The following SLC35F1 variants were observed in gnomAD, a reference collection of about 807,000 sequenced individuals.
SLC35F1 encodes solute carrier family 35 member F1.
Under a neutral mutation model 48.7 loss-of-function variants are expected in SLC35F1, and 14 were observed. The ratio of observed to expected loss-of-function variants is 0.29; its 90% CI spans 0.19 to 0.45. SLC35F1 has a LOEUF of 0.45. Ranked by LOEUF, SLC35F1 falls within the 20% of genes least tolerant of loss-of-function variation. SLC35F1 has a pLI of 1.00. For missense variants in SLC35F1, 404 were observed against 500.0 expected (o/e 0.81, Z 1.83); for synonymous variants, 190 against 202.2 (o/e 0.94, Z 0.51).
intron 1 of SLC35F1, among the ~76,000 whole-genome samples, chr6:117,930,629 C>T (rs1028459285): frequency 2.0e-5 from 3 of 152,118 alleles, no homozygotes; most frequent in African/African-American, 4.8e-5. Context: ...ACCTAATGCT[C>T]GTATCACTTC....
intron 7 of SLC35F1, among the ~76,000 whole-genome samples, chr6:118,308,400 T>A (rs549756893): frequency 6.6e-6 from 1 of 152,348 alleles, no homozygotes; most frequent in East Asian, 1.9e-4. Context: ...AGGAATAATG[T>A]GCCTGTTGAA....
intron 1 of SLC35F1, among the ~76,000 whole-genome samples, chr6:117,948,593 A>G (rs1216238936): frequency 1.3e-5 from 2 of 152,176 alleles, no homozygotes; most frequent in African/African-American, 2.4e-5. Context: ...TGCATTTGAC[A>G]TTGGGGATAC....
At chr6:117,965,929 A>T (rs2114838744) in intron 1 of SLC35F1, among the ~76,000 whole-genome samples, 1 of 152,172 alleles carries the variant, frequency 6.6e-6, no homozygotes, top group Middle Eastern at 3.4e-3. Context: ...TAGCTAAAGG[A>T]TTATAAATAC....
chr6:118,057,342 G>C (rs1772476604), intron 1 of SLC35F1, among the ~76,000 whole-genome samples: 1 of 152,152 alleles, frequency 6.6e-6, no homozygotes, highest in Non-Finnish European at 1.5e-5. Context: ...TACTTGGGCA[G>C]ATATACACTT....
chr6:118,037,148 T>A lies in SLC35F1; in HGVS notation c.174-117297T>A, dbSNP rs180796783. On this transcript the variant is annotated intron_variant, in intron 1 of 7. Transcript: ENST00000360388. ...CCTTTGTAAAATTAAGTTTTGTATCTTATACCTTTTTCCATCCATTTTATT... is the reference window on the plus strand; with the variant it reads ...CCTTTGTAAAATTAAGTTTTGTATCATATACCTTTTTCCATCCATTTTATT... Among the ~76,000 whole-genome samples the A allele has an allele frequency of 7.2e-4, 110 of 152,366 alleles. No individual in the cohort carries two copies. The Middle Eastern group carries it at 0.02, about 28-fold the overall frequency.
chr6:118,097,008 T>C (rs1477970676), intron 1 of SLC35F1, among the ~76,000 whole-genome samples: 1 of 152,190 alleles, frequency 6.6e-6, no homozygotes. Context: ...ATCTCAGAAG[T>C]CTTTCACTCT....
At position 118,225,726 on chromosome 6, in the gene SLC35F1, T is replaced by A. The variant is rs112229679; in HGVS notation, c.350-9783T>A. On this transcript the variant is annotated intron_variant, in intron 2 of 7. Coordinates refer to ENST00000360388, the MANE Select transcript of SLC35F1 (RefSeq NM_001029858.4). ...GTCTCTACTAAAAATACAAAAAAAA[T>A]TTAGCTGGGTGTAGTGGCAGGCGCC... 0.01 allele frequency among the ~76,000 whole-genome samples: 12 copies of A among 1,162 alleles called. No homozygotes were observed. In the East Asian group the frequency reaches 0.22, roughly 22 times the overall value. 0.8% of individuals were successfully genotyped at this position (1,162 alleles called of 152,430 possible).
chr6:117,950,505 A>C (rs1776350527), intron 1 of SLC35F1, among the ~76,000 whole-genome samples: 1 of 152,054 alleles, frequency 6.6e-6, no homozygotes, highest in African/African-American at 2.4e-5. Context: ...TTTATTGAGT[A>C]CTCTGTACCA....
intron 1 of SLC35F1, among the ~76,000 whole-genome samples, chr6:118,060,317 G>A (rs1772519863): frequency 6.6e-6 from 1 of 152,114 alleles, no homozygotes; most frequent in African/African-American, 2.4e-5. Context: ...TATACATGTA[G>A]CTAGGTATTT....
At chr6:118,001,238 G>T (rs1777089479) in intron 1 of SLC35F1, among the ~76,000 whole-genome samples, 1 of 152,174 alleles carries the variant, frequency 6.6e-6, no homozygotes, top group Non-Finnish European at 1.5e-5. Context: ...CATGGTACTT[G>T]TTTCAAAATA....
chr6:118,215,237 C>T (rs117229444), intron 2 of SLC35F1, among the ~76,000 whole-genome samples: 2,820 of 152,060 alleles, frequency 0.019, 39 homozygotes, highest in Non-Finnish European at 0.025. Flanking sequence ...TTGGCCAGAC[C>T]GCAAGGTATT....
At chr6:117,985,496 A>G (rs1218622300) in intron 1 of SLC35F1, among the ~76,000 whole-genome samples, 2 of 152,234 alleles carry the variant, frequency 1.3e-5, no homozygotes, top group Non-Finnish European at 2.9e-5. Context: ...GTGTAGAAAA[A>G]TGCAACAATT....
At chr6:118,254,225 A>C (rs568716625) in intron 3 of SLC35F1, among the ~76,000 whole-genome samples, 1 of 152,294 alleles carries the variant, frequency 6.6e-6, no homozygotes, top group African/African-American at 2.4e-5. Context: ...AATCCTGGTC[A>C]CTTAGTAGGC....
chr6:117,996,495 C>A (rs1483094729), intron 1 of SLC35F1, among the ~76,000 whole-genome samples: 1 of 152,154 alleles, frequency 6.6e-6, no homozygotes, highest in African/African-American at 2.4e-5. Flanking sequence ...GGTCCCTGAC[C>A]CCTGATCCCT....
intron 7 of SLC35F1, among the ~76,000 whole-genome samples, chr6:118,304,462 G>GC (rs1776289346): frequency 6.6e-6 from 1 of 152,050 alleles, no homozygotes; most frequent in Non-Finnish European, 1.5e-5. Context: ...GAGTCTATAA[G>GC]CCAGAGGTTG....
In SLC35F1 at chr6:118,198,043, G is replaced by A. The variant is rs184535106; in HGVS notation, c.350-37466G>A. ...ATTGATACTCTGCTTCTGAATGCTT[G>A]TCCCCTGAAATATTTAGGTGACTTG... On this transcript the variant is annotated intron_variant, in intron 2 of 7. Transcript: ENST00000360388. Among the ~76,000 whole-genome samples the A allele has an allele frequency of 4.6e-5, 7 of 152,202 alleles. No homozygotes were observed. In the South Asian group the frequency reaches 6.2e-4, roughly 14 times the overall value.
chr6:118,176,672 T>C (rs979738234), intron 2 of SLC35F1, among the ~76,000 whole-genome samples: 22 of 152,158 alleles, frequency 1.4e-4, no homozygotes, highest in African/African-American at 4.8e-4. Context: ...CAGTACATAT[T>C]GTTTTATGAC....
chr6:118,075,292 C>G (rs1408072136), intron 1 of SLC35F1, among the ~76,000 whole-genome samples: 1 of 152,216 alleles, frequency 6.6e-6, no homozygotes, highest in East Asian at 1.9e-4. Flanking sequence ...TTAATTGTCA[C>G]TGTACATTAA....
At chr6:118,202,414 T>C (rs758144006) in intron 2 of SLC35F1, among the ~76,000 whole-genome samples, 12 of 152,164 alleles carry the variant, frequency 7.9e-5, no homozygotes, top group Non-Finnish European at 1.3e-4. Context: ...GGAGGATTGC[T>C]TGAACCCAGG....
Sources: allele counts gnomAD v4.1 joint callset (sites outside exome capture counted in the v4.1 genomes callset), GRCh38; gene constraint gnomAD v4.1.1; transcripts MANE v1.5; gene names NCBI Gene and HGNC (gene_info 2026-07-23, HGNC 2026-07-21).